The following SDK1 variants were observed in gnomAD, a reference collection of about 807,000 sequenced individuals.
SDK1 encodes the protein sidekick cell adhesion molecule 1.
Under a neutral mutation model 245.5 loss-of-function variants are expected in SDK1, and 157 were observed. That is an observed-to-expected ratio of 0.64 (90% CI 0.56 to 0.73). The LOEUF is 0.73. Among genes scored for constraint, SDK1 ranks in the 30% least tolerant of loss-of-function variants. The pLI, the probability that SDK1 is intolerant of heterozygous loss-of-function variation, is 0.00. For missense variants in SDK1, 3,583 were observed against 3,002.3 expected (o/e 1.19, Z -4.52); for synonymous variants, 1,647 against 1,278.5 (o/e 1.29, Z -6.15).
At chr7:3,676,190 G>GT (rs1276892609) in intron 4 of SDK1, among the ~76,000 whole-genome samples, 1 of 151,512 alleles carries the variant, frequency 6.6e-6, no homozygotes, top group Non-Finnish European at 1.5e-5. Flanking sequence ...GCTAAATTTT[G>GT]TATTTTTTTG....
intron 22 of SDK1, among the ~76,000 whole-genome samples, chr7:4,096,843 G>A (rs995925923): frequency 2.6e-5 from 4 of 152,066 alleles, no homozygotes; most frequent in African/African-American, 4.8e-5. Context: ...AAACCCCCAC[G>A]GGGGTCGCTG....
At chr7:4,157,775 G>C (rs1040938751) in intron 30 of SDK1, among the ~76,000 whole-genome samples, 2 of 152,134 alleles carry the variant, frequency 1.3e-5, no homozygotes. Flanking sequence ...CTCTCCCAGA[G>C]CTCGTGTGAG....
intron 1 of SDK1, among the ~76,000 whole-genome samples, chr7:3,344,450 T>A (rs900107955): frequency 6.6e-6 from 1 of 152,198 alleles, no homozygotes; most frequent in Admixed American, 6.5e-5. Context: ...GTGGCAGTTA[T>A]TAGCTTTTGA....
rs1449123073 is a variant in SDK1, at chr7:3,967,518, T to C, written c.1546+84T>C. 1.2e-5 allele frequency: 10 copies of C among 840,692 alleles called. No homozygotes were observed. The East Asian group carries it at 1.2e-4, about 10-fold the overall frequency. 52.1% of individuals were successfully genotyped at this position (840,692 alleles called of 1,614,324 possible). ...CAGTGCTTGCTTCTTATTCACTCTC[T>C]TGTTTATTCACTTATGCATTCACTC... On this transcript the variant is annotated intron_variant, in intron 10 of 44. Transcript: ENST00000404826.
chr7:3,974,913 G>A (rs1035686273), intron 13 of SDK1, among the ~76,000 whole-genome samples: 17 of 152,190 alleles, frequency 1.1e-4, no homozygotes, highest in African/African-American at 3.9e-4. Flanking sequence ...GTCCATGAGA[G>A]ATGCTGGAGT....
intron 5 of SDK1, among the ~76,000 whole-genome samples, chr7:3,822,524 A>C (rs1156362100): frequency 6.6e-6 from 1 of 152,092 alleles, no homozygotes; most frequent in Admixed American, 6.5e-5. Flanking sequence ...GATCCCAGCA[A>C]TTTGGGAGGC....
intron 44 of SDK1, among the ~76,000 whole-genome samples, chr7:4,260,209 G>A (rs575161556): frequency 6.8e-5 from 10 of 147,900 alleles, no homozygotes; most frequent in African/African-American, 2.3e-4. Flanking sequence ...TGGCTGCTCC[G>A]GGGCCTCTGT....
At chr7:3,348,474 T>C (rs1780565843) in intron 1 of SDK1, among the ~76,000 whole-genome samples, 1 of 141,038 alleles carries the variant, frequency 7.1e-6, no homozygotes, top group Admixed American at 7.2e-5. Context: ...AAACAACATG[T>C]TCTCGTAAGG....
At chr7:3,866,665 C>T (rs1780828797) in intron 5 of SDK1, among the ~76,000 whole-genome samples, 1 of 152,120 alleles carries the variant, frequency 6.6e-6, no homozygotes, top group Non-Finnish European at 1.5e-5. Flanking sequence ...CCATGGACCA[C>T]AGATTAATTG....
rs75737926 is a variant in SDK1 at position 3,727,394 on chromosome 7, G to A, written c.713+85289G>A. 4.0e-4 allele frequency among the ~76,000 whole-genome samples: 61 copies of A among 152,240 alleles called. 1 individual carries two copies. The East Asian group carries it at 0.011, about 28-fold the overall frequency. On this transcript the variant is annotated intron_variant, in intron 4 of 44. Transcript: ENST00000404826. ...GTCTGATGTTGGATTTATCATTAAC[G>A]TTTGCCATCAGCTTGTCACCACCAA...
rs555710278 is a variant in SDK1, at chr7:3,916,717, T to G, written c.848-34206T>G. Among the ~76,000 whole-genome samples, 21 of 152,366 alleles carry G rather than the reference T, an allele frequency of 1.4e-4. No homozygotes were observed. In the South Asian group the frequency reaches 4.3e-3, roughly 32 times the overall value. ...TAGCAGTTTCTTTTTTGAATAATTA[T>G]GTATTAGAGAAATTTAGCAATATTC... On this transcript the variant is annotated intron_variant, in intron 5 of 44. Transcript: ENST00000404826.
intron 10 of SDK1, among the ~76,000 whole-genome samples, chr7:3,968,542 A>G (rs1782249720): frequency 1.3e-5 from 2 of 152,178 alleles, no homozygotes. Context: ...CTGGGCTTTT[A>G]TTCTCTCTTG....
intron 5 of SDK1, among the ~76,000 whole-genome samples, chr7:3,864,372 C>A (rs28554772): frequency 1.3e-5 from 2 of 151,954 alleles, no homozygotes; most frequent in African/African-American, 4.8e-5. Context: ...GAAAGAAGGT[C>A]GATATATGTT....
At chr7:3,983,506 T>A (rs1783577751) in intron 13 of SDK1, among the ~76,000 whole-genome samples, 1 of 146,756 alleles carries the variant, frequency 6.8e-6, no homozygotes, top group African/African-American at 2.5e-5. Context: ...TTAAGGTGTG[T>A]ACATGTTTTT....
intron 30 of SDK1, among the ~76,000 whole-genome samples, chr7:4,151,581 A>T (rs1780385450): frequency 6.6e-6 from 1 of 151,888 alleles, no homozygotes. Context: ...TGATCTAGTC[A>T]CTCAGCTTCC....
intron 4 of SDK1, among the ~76,000 whole-genome samples, chr7:3,644,153 C>T (rs572291024): frequency 6.6e-5 from 10 of 150,718 alleles, no homozygotes; most frequent in South Asian, 4.2e-4. Flanking sequence ...CCACCTGCCT[C>T]GGCCTCCCAA....
At chr7:3,874,639 C>G (rs555638805) in intron 5 of SDK1, among the ~76,000 whole-genome samples, 3 of 152,274 alleles carry the variant, frequency 2.0e-5, no homozygotes, top group African/African-American at 4.8e-5. Flanking sequence ...GATCCCACCC[C>G]TGCCCTCATG....
chr7:4,257,671 C>A (rs1443825325), intron 44 of SDK1, among the ~76,000 whole-genome samples: 1 of 152,166 alleles, frequency 6.6e-6, no homozygotes, highest in African/African-American at 2.4e-5. Flanking sequence ...GGAAAAGCCT[C>A]TTGGAGCCTC....
intron 17 of SDK1, among the ~76,000 whole-genome samples, chr7:4,046,504 A>AT (rs1251908457): frequency 1.3e-5 from 2 of 152,066 alleles, no homozygotes; most frequent in Non-Finnish European, 2.9e-5. Context: ...ATAGATCTAG[A>AT]TTTTGTCTTA....
Sources: allele counts gnomAD v4.1 joint callset (sites outside exome capture counted in the v4.1 genomes callset), GRCh38; gene constraint gnomAD v4.1.1; transcripts MANE v1.5; gene names NCBI Gene and HGNC (gene_info 2026-07-23, HGNC 2026-07-21).